Variants in SUPT3H observed in about 807,000 individuals in gnomAD.
SUPT3H encodes transcription initiation protein SPT3 homolog.
A neutral mutation model predicts 44.3 loss-of-function variants in SUPT3H; 44 were observed. The observed-to-expected ratio is 0.99, with a 90% CI of 0.78 to 1.28. The LOEUF is 1.28. Among genes scored for constraint, SUPT3H ranks in the 50% most tolerant of loss-of-function variants. SUPT3H has a pLI of 0.00. For missense variants in SUPT3H, 380 were observed against 387.1 expected, an observed-to-expected ratio of 0.98 and a Z score of 0.15; for synonymous variants, 124 against 125.6, an observed-to-expected ratio of 0.99 and a Z score of 0.09.
intron 3 of SUPT3H, among the ~76,000 whole-genome samples, chr6:45,076,352 C>T (rs1013256468): frequency 6.6e-6 from 1 of 152,124 alleles, no homozygotes; most frequent in Non-Finnish European, 1.5e-5. Context: ...AAAGGTTTTA[C>T]AGCTGGTTTT....
intron 2 of SUPT3H, among the ~76,000 whole-genome samples, chr6:45,234,906 A>C (rs2153642764): frequency 6.6e-6 from 1 of 152,328 alleles, no homozygotes; most frequent in Admixed American, 6.5e-5. Context: ...GAAATAGTTT[A>C]ACAAGATACA....
At chr6:45,288,707 C>G (rs1215381240) in intron 2 of SUPT3H, among the ~76,000 whole-genome samples, 1 of 150,140 alleles carries the variant, frequency 6.7e-6, no homozygotes, top group Non-Finnish European at 1.5e-5. Context: ...TTGCAATAAT[C>G]ACACTGTGGG....
intron 9 of SUPT3H, among the ~76,000 whole-genome samples, chr6:44,935,836 T>C (rs567721791): frequency 1.3e-5 from 2 of 152,328 alleles, no homozygotes; most frequent in South Asian, 4.1e-4. Context: ...AAAGTTATAC[T>C]GAAACTTAGG....
At chr6:45,371,368 A>G (rs952597646) in intron 1 of SUPT3H, among the ~76,000 whole-genome samples, 2 of 152,006 alleles carry the variant, frequency 1.3e-5, no homozygotes, top group African/African-American at 4.8e-5. Context: ...GGAGTTTATA[A>G]AGGGTACTTC....
At chr6:45,055,164 C>A (rs1790911713) in intron 3 of SUPT3H, among the ~76,000 whole-genome samples, 1 of 152,006 alleles carries the variant, frequency 6.6e-6, no homozygotes. Context: ...GACAGAGATT[C>A]TGAGAGTTGC....
chr6:45,186,667 T>G (rs576986607), intron 2 of SUPT3H, among the ~76,000 whole-genome samples: 1 of 152,270 alleles, frequency 6.6e-6, no homozygotes. Flanking sequence ...CTGGAAAAAT[T>G]TGAGAAAATC....
chr6:44,987,282 T>C (rs973794775), intron 6 of SUPT3H, among the ~76,000 whole-genome samples: 1 of 115,398 alleles, frequency 8.7e-6, no homozygotes. Context: ...CTTCAACATA[T>C]AAATTGGGCG....
intron 3 of SUPT3H, among the ~76,000 whole-genome samples, chr6:45,077,978 G>T (rs927105623): frequency 2.0e-5 from 3 of 152,082 alleles, no homozygotes; most frequent in African/African-American, 4.8e-5. Context: ...ACTGGTTGGG[G>T]GGGTGGGGGA....
intron 2 of SUPT3H, among the ~76,000 whole-genome samples, chr6:45,192,164 C>T (rs752052919): frequency 6.6e-6 from 1 of 152,068 alleles, no homozygotes; most frequent in Non-Finnish European, 1.5e-5. Flanking sequence ...TCCCAGTATA[C>T]TTCTAATATC....
At chr6:45,276,648 G>A (rs1777077441) in intron 2 of SUPT3H, among the ~76,000 whole-genome samples, 2 of 152,154 alleles carry the variant, frequency 1.3e-5, no homozygotes, top group South Asian at 2.1e-4. Flanking sequence ...ACAAGATTAG[G>A]CTTTAAAATG....
intron 2 of SUPT3H, among the ~76,000 whole-genome samples, chr6:45,348,117 T>C (rs968596888): frequency 1.3e-5 from 2 of 152,116 alleles, no homozygotes; most frequent in African/African-American, 2.4e-5. Context: ...AAGCAGCACC[T>C]TTCTCATTTC....
chr6:44,999,510 G>A (rs1473240951), intron 6 of SUPT3H, among the ~76,000 whole-genome samples: 1 of 151,972 alleles, frequency 6.6e-6, no homozygotes, highest in Non-Finnish European at 1.5e-5. Context: ...GAAGGTGTGA[G>A]GGCAGATGGA....
chr6:45,195,684 A>G (rs1815899489), intron 2 of SUPT3H, among the ~76,000 whole-genome samples: 1 of 152,156 alleles, frequency 6.6e-6, no homozygotes, highest in African/African-American at 2.4e-5. Flanking sequence ...TTTAAATGCA[A>G]TGAAGAATTG....
At chr6:45,094,175 C>T (rs7773990) in intron 3 of SUPT3H, among the ~76,000 whole-genome samples, 7 of 151,902 alleles carry the variant, frequency 4.6e-5, no homozygotes, top group African/African-American at 1.5e-4. Flanking sequence ...AATTTTAGCC[C>T]GAACTAAAAC....
intron 2 of SUPT3H, among the ~76,000 whole-genome samples, chr6:45,129,278 A>G (rs546171538): frequency 6.6e-6 from 1 of 152,246 alleles, no homozygotes; most frequent in Admixed American, 6.5e-5. Flanking sequence ...AAAGACAACT[A>G]TTTACTCACT....
chr6:45,330,175 C>T (rs1787169005), intron 2 of SUPT3H, among the ~76,000 whole-genome samples: 1 of 151,804 alleles, frequency 6.6e-6, no homozygotes, highest in African/African-American at 2.4e-5. Context: ...TGGGCCCCCT[C>T]AGTTATAATA....
intron 9 of SUPT3H, among the ~76,000 whole-genome samples, chr6:44,944,538 C>T (rs138462260): frequency 5.9e-5 from 9 of 151,364 alleles, no homozygotes; most frequent in East Asian, 3.9e-4. Context: ...GTGGGTGGAC[C>T]GCTTGAGCCC....
In SUPT3H at chr6:44,839,070, C is replaced by T. The variant is rs563295987; in HGVS notation, c.913-9213G>A. On this transcript the variant is annotated intron_variant, in intron 10 of 10. Transcript: ENST00000371459. ...AGCTATCATATTAAATGACAAGATC[C>T]GAGTTGTGGAGCCATCCCAAGTCAG... Among the ~76,000 whole-genome samples, 10 of 152,148 alleles carry T rather than the reference C, an allele frequency of 6.6e-5. No homozygotes were observed. In the South Asian group the frequency reaches 1.5e-3, roughly 22 times the overall value.
chr6:45,368,251 A>G (rs1363689181), intron 1 of SUPT3H, among the ~76,000 whole-genome samples: 1 of 152,204 alleles, frequency 6.6e-6, no homozygotes, highest in Admixed American at 6.5e-5. Context: ...GCCAGAGTTT[A>G]AATGTGAACC....
Sources: gnomAD v4.1 joint callset for allele counts (sites outside exome capture counted in the v4.1 genomes callset) on GRCh38, gnomAD v4.1.1 for gene constraint, MANE v1.5 for transcripts, NCBI Gene and HGNC (gene_info 2026-07-23, HGNC 2026-07-21) for gene names.